Variants in FRMD4A observed in about 807,000 individuals in gnomAD.
The protein encoded by FRMD4A is FERM domain-containing protein 4A.
In FRMD4A, 29 loss-of-function variants were observed where a neutral mutation model predicts 129.1. That is an observed-to-expected ratio of 0.22 (90% CI 0.17 to 0.31). The LOEUF is 0.31. FRMD4A is among the 10% of genes least tolerant of loss of function. The probability of loss-of-function intolerance (pLI) is 1.00; values close to 1 mark genes in which losing one functional copy is unlikely to be tolerated. For synonymous variants in FRMD4A, 634 were observed against 571.6 expected (o/e 1.11, Z -1.56); for missense variants, 1,272 against 1,375.8 (o/e 0.92, Z 1.19).
At chr10:13,741,037 G>C (rs2090970781) in intron 9 of FRMD4A, among the ~76,000 whole-genome samples, 1 of 152,060 alleles carries the variant, frequency 6.6e-6, no homozygotes, top group Non-Finnish European at 1.5e-5. Context: ...ATGTTGGCCA[G>C]GCTGGTCTCA....
chr10:13,906,379 C>T (rs1451784526), intron 2 of FRMD4A, among the ~76,000 whole-genome samples: 2 of 152,164 alleles, frequency 1.3e-5, no homozygotes, highest in Non-Finnish European at 2.9e-5. Context: ...TTTGAACCAC[C>T]AACCAACAGC....
In FRMD4A at chr10:14,330,069, C is replaced by G. The variant is rs1312261209; in HGVS notation, c.34G>C (p.Gly12Arg). The change falls in exon 2 of 25, where the codon GGC (glycine) becomes CGC (arginine). Residue 12 changes from glycine to arginine, a missense_variant. Gly to Arg is a moderately radical substitution (Grantham distance 125). Around this residue, in one of 2 missense-constraint regions of FRMD4A, gnomAD observed 300 missense variants for 483.6 expected, o/e 0.62. Transcript: ENST00000357447. ...GTCTGAACACTCACCATCAGCAGGC[C>G]GAGAGCTGAGTCGGGCACCAGCTGC... is the stretch of plus-strand genomic sequence containing the variant. ...AVQLVPDSAL[G>R]LLMMTEGRRC... 1 of 1,553,214 alleles carries G rather than the reference C, an allele frequency of 6.4e-7. No individual in the cohort carries two copies. The highest frequency in any genetic ancestry group is 8.7e-7 in the Non-Finnish European group (1 of 1,147,720).
At chr10:13,747,953 G>C in intron 8 of FRMD4A, 134 bp from the exon 9 acceptor site, 1 of 652,794 alleles carries the variant, frequency 1.5e-6, no homozygotes, top group South Asian at 1.8e-5. Flanking sequence ...GTGGGGGGAA[G>C]GGGCGCTCTC....
At chr10:14,254,500 T>C (rs1844543560) in intron 2 of FRMD4A, among the ~76,000 whole-genome samples, 1 of 152,178 alleles carries the variant, frequency 6.6e-6, no homozygotes, top group Non-Finnish European at 1.5e-5. Context: ...TCTTATGTAT[T>C]GGGCTTGAAG....
At chr10:13,997,315 C>G (rs1368899390) in intron 2 of FRMD4A, among the ~76,000 whole-genome samples, 1 of 152,142 alleles carries the variant, frequency 6.6e-6, no homozygotes, top group Admixed American at 6.5e-5. Context: ...ATAATCTTCA[C>G]CCCAAGAGTC....
chr10:14,028,671 A>G (rs1026016468), intron 2 of FRMD4A, among the ~76,000 whole-genome samples: 1 of 152,242 alleles, frequency 6.6e-6, no homozygotes, highest in Admixed American at 6.5e-5. Flanking sequence ...CATTTTCCAC[A>G]GTGTGATTAT....
chr10:13,959,498 A>G (rs2095432731), intron 2 of FRMD4A, among the ~76,000 whole-genome samples: 1 of 44,562 alleles, frequency 2.2e-5, no homozygotes, highest in Non-Finnish European at 3.3e-5. Context: ...AAAAAAAAAA[A>G]AGCTGTGAGT....
intron 2 of FRMD4A, among the ~76,000 whole-genome samples, chr10:14,134,751 A>G (rs1297408084): frequency 1.3e-5 from 2 of 152,156 alleles, no homozygotes; most frequent in Non-Finnish European, 2.9e-5. Context: ...GAGTGGATGG[A>G]TAGAAAGTCA....
intron 3 of FRMD4A, among the ~76,000 whole-genome samples, chr10:13,845,395 CT>C (rs1376051035): frequency 6.6e-6 from 1 of 152,162 alleles, no homozygotes; most frequent in Non-Finnish European, 1.5e-5. Flanking sequence ...CAACCCATCA[CT>C]TTTCAAGTGA....
intron 2 of FRMD4A, among the ~76,000 whole-genome samples, chr10:14,123,114 CA>C (rs1336833096): frequency 5.7e-5 from 1 of 17,424 alleles, no homozygotes; most frequent in Non-Finnish European, 1.9e-4. Context: ...AAACTATTTG[CA>C]AAAAAAACAA....
intron 8 of FRMD4A, among the ~76,000 whole-genome samples, chr10:13,749,044 C>T (rs2091434251): frequency 6.6e-6 from 1 of 152,184 alleles, no homozygotes; most frequent in Non-Finnish European, 1.5e-5. Flanking sequence ...AGCAGGTCTG[C>T]ATCCCCTCTG....
chr10:14,180,173 G>T (rs1336406888), intron 2 of FRMD4A, among the ~76,000 whole-genome samples: 1 of 152,176 alleles, frequency 6.6e-6, no homozygotes, highest in Admixed American at 6.5e-5. Flanking sequence ...AATATTTATT[G>T]AGCATCAGCT....
At chr10:14,140,926 A>G (rs34801300) in intron 2 of FRMD4A, among the ~76,000 whole-genome samples, 12,767 of 152,138 alleles carry the variant, frequency 0.084, 565 homozygotes, top group Middle Eastern at 0.14. Context: ...GAGAGCCTGG[A>G]TTAGGCAAAG....
At chr10:13,774,197 T>A (rs904370578) in intron 6 of FRMD4A, among the ~76,000 whole-genome samples, 1 of 152,176 alleles carries the variant, frequency 6.6e-6, no homozygotes, top group Non-Finnish European at 1.5e-5. Context: ...ATATTTTAAT[T>A]TTCTGCAACT....
intron 5 of FRMD4A, among the ~76,000 whole-genome samples, chr10:13,795,523 T>C (rs1384777787): frequency 1.3e-5 from 2 of 152,376 alleles, no homozygotes; most frequent in South Asian, 4.1e-4. Flanking sequence ...TTCCTGATCA[T>C]GCTCTTTAGG....
chr10:13,791,703 G>A (rs907412424), intron 5 of FRMD4A, among the ~76,000 whole-genome samples: 8 of 152,098 alleles, frequency 5.3e-5, no homozygotes, highest in Non-Finnish European at 2.9e-5. Flanking sequence ...GGACATCTGT[G>A]AGCCCATAAA....
chr10:14,031,140 C>T (rs2447041), intron 2 of FRMD4A, among the ~76,000 whole-genome samples: 148,649 of 152,328 alleles, frequency 0.98, 72,542 homozygotes, highest in East Asian at 1. Context: ...AAGTGTGCAA[C>T]TGGAATGTGC....
chr10:14,135,924 T>C (rs892893701), intron 2 of FRMD4A, among the ~76,000 whole-genome samples: 3 of 152,200 alleles, frequency 2.0e-5, no homozygotes, highest in Non-Finnish European at 2.9e-5. Context: ...CAAATAAAGA[T>C]GCTATATTGA....
chr10:13,774,097 G>C (rs1355982432), intron 6 of FRMD4A, among the ~76,000 whole-genome samples: 2 of 152,160 alleles, frequency 1.3e-5, no homozygotes, highest in Admixed American at 1.3e-4. Flanking sequence ...AAGCACATCA[G>C]AAACACTGTT....
Sources: allele counts gnomAD v4.1 joint callset (sites outside exome capture counted in the v4.1 genomes callset), GRCh38; gene constraint gnomAD v4.1.1; regional missense constraint gnomAD v4.1.1; transcripts MANE v1.5; gene names NCBI Gene and HGNC (gene_info 2026-07-23, HGNC 2026-07-21).